Variants in WDR90 observed in about 807,000 individuals in gnomAD.
WDR90 encodes WD repeat-containing protein 90.
Under a neutral mutation model 195.2 loss-of-function variants are expected in WDR90, and 238 were observed. The observed-to-expected ratio is 1.22, with a 90% CI of 1.10 to 1.36. The LOEUF is 1.36. WDR90 is among the 40% of genes most tolerant of loss of function. WDR90 has a pLI of 0.00. For synonymous variants in WDR90, 1,265 were observed against 1,052.4 expected (o/e 1.20, Z -3.91); for missense variants, 2,734 against 2,439.5 (o/e 1.12, Z -2.54).
intron 10 of WDR90, among the ~76,000 whole-genome samples, chr16:653,133 T>C (rs893779683): frequency 1.3e-5 from 2 of 152,210 alleles, no homozygotes; most frequent in Admixed American, 6.5e-5. Flanking sequence ...CCAGCTGTTC[T>C]TTTGACACAT....
In WDR90 at chr16:662,317, G is replaced by C; in HGVS notation, c.4131G>C (p.Lys1377Asn). Residue 1377 changes from lysine to asparagine, a missense_variant, in exon 33 of 41, where the codon AAG (lysine) becomes AAC (asparagine). Physicochemically the swap from Lys to Asn is moderately conservative, Grantham distance 94. Transcript: ENST00000293879. ...GGGCTGTGTCGGAGCTGAGGTGCAA[G>C]GGCTCAGGCGCCAGGTGAGCTGTTC... The part of the protein sequence containing the change: ...AVGAVSELRC[K>N]GSGASSVFME... 1 of 1,566,192 alleles carries C rather than the reference G, an allele frequency of 6.4e-7. No homozygotes were observed. The highest frequency in any genetic ancestry group is 8.6e-7 in the Non-Finnish European group (1 of 1,156,778).
chr16:662,436 G>A (rs2037937226), intron 33 of WDR90, 105 bp downstream of exon 33: 13 of 1,395,214 alleles, frequency 9.3e-6, no homozygotes, highest in Admixed American at 4.1e-5. Flanking sequence ...CCTGCAGACC[G>A]GCCGCCTGCT....
Position 665,941 on chromosome 16 carries a change from G to A in WDR90, c.4435-9G>A. 6.3e-7 allele frequency: 1 copy of A among 1,576,674 alleles called. No homozygotes were observed. The highest frequency in any genetic ancestry group is 8.6e-7 in the Non-Finnish European group (1 of 1,161,882). ...TGAGTGCTGAAGTTTCCCCACTGTG[G>A]GTCCCCAGAGCTGCCTCTGCCTGGC... is the stretch of plus-strand genomic sequence containing the variant. On this transcript the variant is annotated splice_polypyrimidine_tract_variant and intron_variant, in intron 35 of 40. Transcript: ENST00000293879.
Position 658,593 on chromosome 16 carries a change from T to TGCC in WDR90, c.2840_2842dup (p.Ala947dup), listed in dbSNP as rs1437233693. 2.0e-5 allele frequency: 32 copies of TGCC among 1,612,574 alleles called. No homozygotes were observed. In the East Asian group the frequency reaches 6.9e-4, roughly 35 times the overall value. On this transcript the variant is annotated inframe_insertion, in exon 23 of 41. Transcript: ENST00000293879. ...GTGAGGACGCCCGCTTCCTGCTGAT[T>TGCC]GCCGCCGGCCGGACCATCAAGGTGT... is the stretch of plus-strand genomic sequence containing the variant.
At chr16:655,253 C>T (rs776223530) in intron 14 of WDR90, 54 bp from the exon 15 acceptor site, 37 of 1,611,234 alleles carry the variant, frequency 2.3e-5, no homozygotes, top group Middle Eastern at 1.6e-4. Flanking sequence ...CTGCGTCTCC[C>T]GGTGGGTCAG....
chr16:651,884 C>G lies in WDR90; in HGVS notation c.898C>G (p.Arg300Gly). 1.9e-6 allele frequency: 3 copies of G among 1,610,938 alleles called. No homozygotes were observed. Among genetic ancestry groups the G allele is most frequent in the Non-Finnish European group, 2.5e-6 (3 of 1,179,864 alleles). Residue 300 changes from arginine to glycine, a missense_variant, in exon 9 of 41, where the codon CGC (arginine) becomes GGC (glycine). Arg to Gly is a moderately radical substitution (Grantham distance 125, BLOSUM62 -2). Transcript: ENST00000293879. ...PFPEVSLSQE[R>G]SDASNADGPG... Reference sequence around the variant, plus strand: ...CCCGGAGGTCAGCCTGTCCCAAGAGCGCTCAGACGCCTCCAACGCGGATGG... The same window carrying G: ...CCCGGAGGTCAGCCTGTCCCAAGAGGGCTCAGACGCCTCCAACGCGGATGG...
At chr16:652,426 G>C (rs778663460) in intron 9 of WDR90, 41 bp from the exon 10 acceptor site, 56 of 1,561,812 alleles carry the variant, frequency 3.6e-5, no homozygotes, top group Admixed American at 1.3e-4. Context: ...CTGGGGACCT[G>C]GCTGAGCCTC....
At position 657,228 on chromosome 16, in the gene WDR90, C is replaced by T. The variant is rs1335312064; in HGVS notation, c.2473+7C>T. On this transcript the variant is annotated splice_region_variant and intron_variant, in intron 20 of 40. Coordinates refer to ENST00000293879, the MANE Select transcript of WDR90 (RefSeq NM_145294.5). ...CATGTCCTCCGAGTGGCAGGTTGGG[C>T]CCCCTGCAGCCACTCTGGGGGACTC... The T allele has an allele frequency of 1.3e-6, 2 of 1,537,186 alleles. No individual in the cohort carries two copies. The highest frequency in any genetic ancestry group is 1.8e-6 in the Non-Finnish European group (2 of 1,139,582).
chr16:653,617 C>G lies in WDR90; in HGVS notation c.1326C>G (p.Thr442=), dbSNP rs752448895. ...PSVMRLWDFQ[T]GRCLCLFRSP... ...TGATGCGGCTCTGGGACTTCCAGAC[C>G]GGGCGGTGCTTGTGCCTGTTCCGGA... Residue 442 remains threonine (T), a synonymous_variant, in exon 12 of 41, where the codon ACC becomes ACG. Coordinates refer to ENST00000293879, the MANE Select transcript of WDR90 (RefSeq NM_145294.5). The G allele has an allele frequency of 1.9e-6, 3 of 1,613,480 alleles. No individual in the cohort carries two copies. The Admixed American group carries it at 5.0e-5, about 27-fold the overall frequency.
chr16:651,125 G>C (rs755845150), intron 6 of WDR90, 22 bp downstream of exon 6: 4 of 1,612,832 alleles, frequency 2.5e-6, no homozygotes, highest in Middle Eastern at 1.7e-4. Context: ...TGCTTCTTTC[G>C]AGGGAGGCCT....
In WDR90 at chr16:660,622, C is replaced by T. The variant is rs545936270; in HGVS notation, c.3299C>T (p.Pro1100Leu). ...CSPHSAKGTC[P>L]PPASGGWLRL... The stretch of plus-strand genomic sequence containing the variant: ...TCTCCTTCCTCGCAGGGCACTTGCC[C>T]GCCTCCCGCCAGCGGTGGGTGGCTG... Residue 1100 changes from proline to leucine, a missense_variant, in exon 28 of 41, where the codon CCG becomes CTG. Transcript: ENST00000293879. The T allele has an allele frequency of 6.5e-5, 102 of 1,567,522 alleles. No homozygotes were observed. The highest frequency in any genetic ancestry group is 2.8e-4 in the African/African-American group (21 of 73,698).
intron 18 of WDR90, 69 bp downstream of exon 18, chr16:656,606 G>T: frequency 1.3e-6 from 2 of 1,575,600 alleles, no homozygotes; most frequent in East Asian, 4.5e-5. Flanking sequence ...TGTCAGCGGG[G>T]GTGAGAGGGG....
In WDR90 at chr16:666,033, C is replaced by T. The variant is rs778141151; in HGVS notation, c.4518C>T (p.Ser1506=). The change falls in exon 36 of 41, where the codon TCC becomes TCT. Residue 1506 remains serine (S), a synonymous_variant. Coordinates refer to ENST00000293879, the MANE Select transcript of WDR90 (RefSeq NM_145294.5). Reference sequence around the variant, plus strand: ...TAGCGGCTGGCTACGGTGACGGCTCCCTGCGCATCTTCAGCGTCTCCCGCA... The same window carrying T: ...TAGCGGCTGGCTACGGTGACGGCTCTCTGCGCATCTTCAGCGTCTCCCGCA... ...QRLAAGYGDG[S]LRIFSVSRTA... The T allele has an allele frequency of 3.7e-6, 6 of 1,605,088 alleles. No homozygotes were observed. In the Admixed American group the frequency reaches 6.7e-5, roughly 18 times the overall value.
chr16:667,551 C>G lies in WDR90; in HGVS notation c.5209C>G (p.Arg1737Gly), dbSNP rs370037118. The G allele has an allele frequency of 3.7e-6, 6 of 1,611,222 alleles. No individual in the cohort carries two copies. Among genetic ancestry groups the G allele is most frequent in the South Asian group, 2.2e-5 (2 of 91,082 alleles). ...CGCCAGGCTGCTCTTCACGGCCGCC[C>G]GCAACGAGATCCTTGTGTGGGAGGT... is the stretch of plus-strand genomic sequence containing the variant. Reference protein sequence around the residue: ...PSARLLFTAARNEILVWEVPG... With the variant: ...PSARLLFTAAGNEILVWEVPG... The change falls in exon 41 of 41, where the codon CGC becomes GGC. Residue 1737 changes from arginine to glycine, a missense_variant. Physicochemically the swap from Arg to Gly is moderately radical, Grantham distance 125. Coordinates refer to ENST00000293879, the MANE Select transcript of WDR90 (RefSeq NM_145294.5).
In WDR90 at chr16:661,476, AGAT is replaced by A; in HGVS notation, c.3651_3653del (p.Asp1218del). The A allele has an allele frequency of 6.2e-7, 1 of 1,608,822 alleles. No homozygotes were observed. Among genetic ancestry groups the A allele is most frequent in the Non-Finnish European group, 8.5e-7 (1 of 1,177,112 alleles). The stretch of plus-strand genomic sequence containing the variant: ...CCGTGCTGGCCCTGGCCTTCTCACC[AGAT>A]GACAGGCTTCTTGTCACACTGGGTC... On this transcript the variant is annotated inframe_deletion, in exon 30 of 41. Transcript: ENST00000293879.
chr16:658,461 G>A lies in WDR90; in HGVS notation c.2767-64G>A, dbSNP rs367658030. 8.1e-4 allele frequency: 1,287 copies of A among 1,580,918 alleles called. 24 individuals carry two copies. The South Asian group carries it at 0.012, about 15-fold the overall frequency. ...GGCCGTCGCCACACCCACAACGAAG[G>A]GAGGCCCCAGGCTGCTGGCCACTCT... On this transcript the variant is annotated intron_variant, in intron 22 of 40. Transcript: ENST00000293879.
chr16:655,007 G>A (rs2037719520), intron 13 of WDR90, 22 bp from the exon 14 acceptor site: 1 of 1,609,420 alleles, frequency 6.2e-7, no homozygotes, highest in East Asian at 2.2e-5. Context: ...TGCCGTGCGG[G>A]CTCAGCCTGG....
intron 33 of WDR90, 76 bp downstream of exon 33, chr16:662,407 C>T: frequency 6.7e-7 from 1 of 1,501,992 alleles, no homozygotes; most frequent in Non-Finnish European, 8.9e-7. Flanking sequence ...AGCCAGTGCC[C>T]CGCCCCCGCA....
chr16:658,367 G>A (rs769850878), intron 22 of WDR90, 23 bp downstream of exon 22: 48 of 1,608,802 alleles, frequency 3.0e-5, no homozygotes, highest in Middle Eastern at 1.7e-4. Context: ...GCTGTGGCCC[G>A]CCGACCTGGC....
Sources: allele counts gnomAD v4.1 joint callset (sites outside exome capture counted in the v4.1 genomes callset), GRCh38; gene constraint gnomAD v4.1.1; transcripts MANE v1.5; gene names NCBI Gene and HGNC (gene_info 2026-07-23, HGNC 2026-07-21).